Variants in RIT2 observed in about 807,000 individuals in gnomAD.
RIT2 encodes Ras like without CAAX 2.
In RIT2, 24 loss-of-function variants were observed where a neutral mutation model predicts 23.7. The ratio of observed to expected loss-of-function variants is 1.01; its 90% CI spans 0.73 to 1.43. RIT2 has a LOEUF of 1.43. RIT2 is among the 40% of genes most tolerant of loss of function. The probability of loss-of-function intolerance (pLI) is 0.00; values close to 1 mark genes in which losing one functional copy is unlikely to be tolerated. For synonymous variants in RIT2, 107 were observed against 91.1 expected (o/e 1.17, Z -0.99); for missense variants, 236 against 266.9 (o/e 0.88, Z 0.81).
intron 4 of RIT2, among the ~76,000 whole-genome samples, chr18:42,891,445 A>G (rs1380409851): frequency 2.0e-5 from 3 of 152,194 alleles, no homozygotes; most frequent in Admixed American, 1.3e-4. Context: ...CAATGTCCAC[A>G]GAAAAACCTG....
intron 1 of RIT2, among the ~76,000 whole-genome samples, chr18:43,054,279 C>A (rs541071815): frequency 6.6e-6 from 1 of 152,048 alleles, no homozygotes; most frequent in East Asian, 1.9e-4. Flanking sequence ...CAGATGAGGA[C>A]AGAAAGAATT....
At chr18:42,953,469 A>G (rs1451155177) in intron 3 of RIT2, among the ~76,000 whole-genome samples, 3 of 152,140 alleles carry the variant, frequency 2.0e-5, no homozygotes, top group African/African-American at 7.2e-5. Context: ...GGGAGAACAA[A>G]GAGGACATTA....
intron 3 of RIT2, among the ~76,000 whole-genome samples, chr18:42,952,329 T>C (rs1909870845): frequency 6.6e-6 from 1 of 152,064 alleles, no homozygotes; most frequent in African/African-American, 2.4e-5. Context: ...TCTGAAATAG[T>C]CAAACTTTAT....
intron 1 of RIT2, among the ~76,000 whole-genome samples, chr18:43,095,262 C>T (rs1275579673): frequency 1.2e-4 from 18 of 152,068 alleles, no homozygotes; most frequent in African/African-American, 4.3e-4. Flanking sequence ...TTCTAATTGG[C>T]GTGAGATGTT....
intron 4 of RIT2, among the ~76,000 whole-genome samples, chr18:42,903,705 C>T (rs1908539207): frequency 6.6e-6 from 1 of 152,010 alleles, no homozygotes; most frequent in South Asian, 2.1e-4. Context: ...CTTCATGAAA[C>T]AGATAATGCT....
At chr18:42,764,419 C>G (rs1913373947) in intron 4 of RIT2, among the ~76,000 whole-genome samples, 1 of 152,140 alleles carries the variant, frequency 6.6e-6, no homozygotes, top group Non-Finnish European at 1.5e-5. Flanking sequence ...AGATGCTAAC[C>G]ACCTCCCACC....
chr18:42,773,065 T>C (rs1235856998), intron 4 of RIT2, among the ~76,000 whole-genome samples: 1 of 152,212 alleles, frequency 6.6e-6, no homozygotes, highest in Non-Finnish European at 1.5e-5. Context: ...CTTTATACAC[T>C]GTATCTCTTC....
In RIT2 at chr18:42,797,872, A is replaced by G. The variant is rs189308097; in HGVS notation, c.427-54152T>C. ...GAAATGGCAAGGCATACAAGGGAAT[A>G]TAAGACATACAATGCTTACAAGAAG... is the stretch of plus-strand genomic sequence containing the variant. On this transcript the variant is annotated intron_variant, in intron 4 of 4. Transcript: ENST00000326695. Among the ~76,000 whole-genome samples the G allele has an allele frequency of 1.6e-3, 250 of 152,314 alleles. 2 individuals are homozygous for G. The highest frequency in any genetic ancestry group is 5.7e-3 in the African/African-American group (238 of 41,578).
At chr18:42,879,383 T>A (rs1907829463) in intron 4 of RIT2, among the ~76,000 whole-genome samples, 1 of 152,188 alleles carries the variant, frequency 6.6e-6, no homozygotes, top group Admixed American at 6.5e-5. Context: ...ATTTACTAAG[T>A]GAGCTGGGTA....
At chr18:42,849,728 C>T (rs911353763) in intron 4 of RIT2, among the ~76,000 whole-genome samples, 2 of 152,096 alleles carry the variant, frequency 1.3e-5, no homozygotes, top group Admixed American at 6.6e-5. Context: ...TTCTTCATCA[C>T]CTCATATAAA....
At chr18:43,018,246 C>T (rs964262124) in intron 2 of RIT2, among the ~76,000 whole-genome samples, 1 of 152,030 alleles carries the variant, frequency 6.6e-6, no homozygotes, top group African/African-American at 2.4e-5. Flanking sequence ...GAAGGCATTG[C>T]AGAGGGCAAT....
intron 4 of RIT2, among the ~76,000 whole-genome samples, chr18:42,900,345 G>A (rs1377124743): frequency 3.9e-5 from 6 of 151,988 alleles, no homozygotes; most frequent in Non-Finnish European, 4.4e-5. Context: ...TTAGAGTCAG[G>A]AATCTAAATG....
chr18:42,934,891 T>C (rs1909413931), intron 3 of RIT2, among the ~76,000 whole-genome samples: 1 of 152,152 alleles, frequency 6.6e-6, no homozygotes, highest in African/African-American at 2.4e-5. Flanking sequence ...AGAACTATTG[T>C]TATTATTTGA....
intron 1 of RIT2, among the ~76,000 whole-genome samples, chr18:43,092,360 G>T (rs1913442704): frequency 3.3e-5 from 5 of 152,052 alleles, no homozygotes. Context: ...AATCATACCT[G>T]CCTGACCAGG....
intron 1 of RIT2, among the ~76,000 whole-genome samples, chr18:43,073,801 T>A (rs533122355): frequency 3.9e-5 from 6 of 152,272 alleles, no homozygotes; most frequent in African/African-American, 1.4e-4. Context: ...AGTCCTATAA[T>A]GGCATTTAAA....
At chr18:42,977,242 C>A (rs567090148) in intron 2 of RIT2, among the ~76,000 whole-genome samples, 4 of 152,112 alleles carry the variant, frequency 2.6e-5, no homozygotes, top group African/African-American at 4.8e-5. Flanking sequence ...TGTTAAATAT[C>A]TATACTTCTG....
intron 4 of RIT2, among the ~76,000 whole-genome samples, chr18:42,898,940 T>C (rs1375110378): frequency 1.3e-5 from 2 of 152,218 alleles, no homozygotes; most frequent in African/African-American, 4.8e-5. Context: ...AAATATTCTT[T>C]GTCTTATTAC....
chr18:42,875,562 C>T (rs1017003090), intron 4 of RIT2, among the ~76,000 whole-genome samples: 1 of 151,940 alleles, frequency 6.6e-6, no homozygotes, highest in African/African-American at 2.4e-5. Flanking sequence ...CAGGTCTGCC[C>T]TCCTTATTCA....
chr18:43,043,529 C>G (rs1051735253), intron 1 of RIT2, among the ~76,000 whole-genome samples: 1 of 152,094 alleles, frequency 6.6e-6, no homozygotes, highest in African/African-American at 2.4e-5. Flanking sequence ...TGGTGGCTCA[C>G]GCTTGTAACC....
Sources: allele counts gnomAD v4.1 joint callset (sites outside exome capture counted in the v4.1 genomes callset), GRCh38; gene constraint gnomAD v4.1.1; transcripts MANE v1.5; gene names NCBI Gene and HGNC (gene_info 2026-07-23, HGNC 2026-07-21).